SGCZ: variants seen among roughly 807,000 people sequenced by gnomAD.
SGCZ encodes sarcoglycan zeta, also known as zeta-sarcoglycan.
In SGCZ, 40 loss-of-function variants were observed where a neutral mutation model predicts 41.3. That is an observed-to-expected ratio of 0.97 (90% CI 0.75 to 1.26). The LOEUF (loss-of-function observed/expected upper bound fraction) is 1.26, where lower values mean the gene tolerates loss of function less well. Ranked by LOEUF, SGCZ falls within the 50% of genes most tolerant of loss-of-function variation. SGCZ has a pLI of 0.00. For missense variants in SGCZ, 552 were observed against 369.8 expected, an observed-to-expected ratio of 1.49 and a Z score of -4.04; for synonymous variants, 206 against 137.5, an observed-to-expected ratio of 1.50 and a Z score of -3.49.
intron 1 of SGCZ, among the ~76,000 whole-genome samples, chr8:15,078,011 G>C (rs1365707704): frequency 2.6e-5 from 4 of 152,052 alleles, no homozygotes; most frequent in South Asian, 2.1e-4. Flanking sequence ...TGGACTGGAG[G>C]CCCCATGCAC....
rs559633054 is a variant in SGCZ at position 14,444,585 on chromosome 8, TCTCA to T, written c.234+110143_234+110146del. On this transcript the variant is annotated intron_variant, in intron 2 of 7. Transcript: ENST00000382080. ...GAACAAAAAACCAAACACCACATATTCTCACTCACAGGTGGGAATTGAAAAATGA... is the reference window on the plus strand; with the variant it reads ...GAACAAAAAACCAAACACCACATATTCTCACAGGTGGGAATTGAAAAATGA... 8.1e-5 allele frequency among the ~76,000 whole-genome samples: 12 copies of T among 147,636 alleles called. No individual in the cohort carries two copies. In the South Asian group the frequency reaches 2.5e-3, roughly 31 times the overall value.
chr8:14,190,587 T>G (rs953444744), intron 4 of SGCZ, among the ~76,000 whole-genome samples: 2 of 151,946 alleles, frequency 1.3e-5, no homozygotes, highest in African/African-American at 4.8e-5. Context: ...GGATGACATA[T>G]AAATCTTCTC....
chr8:14,886,022 TA>T (rs1804787693), intron 1 of SGCZ, among the ~76,000 whole-genome samples: 1 of 115,538 alleles, frequency 8.7e-6, no homozygotes, highest in Non-Finnish European at 1.8e-5. Context: ...TATATATATA[TA>T]TATATATATA....
At chr8:14,573,440 G>A (rs1022996559) in intron 1 of SGCZ, among the ~76,000 whole-genome samples, 2 of 151,660 alleles carry the variant, frequency 1.3e-5, no homozygotes, top group Admixed American at 6.6e-5. Context: ...CGCCCGCCTC[G>A]GCCTCCCAAA....
intron 3 of SGCZ, among the ~76,000 whole-genome samples, chr8:14,288,448 CT>C (rs1412493718): frequency 6.6e-6 from 1 of 151,988 alleles, no homozygotes; most frequent in East Asian, 1.9e-4. Flanking sequence ...TCTCCCTACC[CT>C]CGGCCACTGG....
intron 1 of SGCZ, among the ~76,000 whole-genome samples, chr8:14,784,913 A>AAAAAAATATATATAT (rs1408574493): frequency 1.1e-3 from 95 of 87,992 alleles, no homozygotes; most frequent in African/African-American, 4.3e-3. Context: ...AAAAAAAAAA[A>AAAAAAATATATATAT]ATATATATAT....
At chr8:14,950,831 A>G (rs1421933868) in intron 1 of SGCZ, among the ~76,000 whole-genome samples, 1 of 152,030 alleles carries the variant, frequency 6.6e-6, no homozygotes, top group Non-Finnish European at 1.5e-5. Flanking sequence ...ATTGGCTTAG[A>G]AGTCTAATCA....
Position 15,115,506 on chromosome 8 carries a change from T to C in SGCZ, c.39+122079A>G, listed in dbSNP as rs750408186. Among the ~76,000 whole-genome samples, 72 of 152,234 alleles carry C rather than the reference T, an allele frequency of 4.7e-4. 1 individual carries two copies. The highest frequency in any genetic ancestry group is 2.1e-4 in the South Asian group (1 of 4,830). On this transcript the variant is annotated intron_variant, in intron 1 of 7. Coordinates refer to ENST00000382080, the MANE Select transcript of SGCZ (RefSeq NM_139167.4). ...AATTGATTTAGGATATCTTTATAAA[T>C]TGTTAATATGTTACAGATTACATAT...
At chr8:14,169,184 A>C (rs1456191357) in intron 4 of SGCZ, among the ~76,000 whole-genome samples, 3 of 152,130 alleles carry the variant, frequency 2.0e-5, no homozygotes, top group Non-Finnish European at 4.4e-5. Flanking sequence ...CAAGATTAAT[A>C]TTTGGGGGAA....
chr8:14,895,867 G>A (rs549800742), intron 1 of SGCZ, among the ~76,000 whole-genome samples: 1 of 152,268 alleles, frequency 6.6e-6, no homozygotes, highest in East Asian at 1.9e-4. Context: ...TCTATGTAGG[G>A]TAGAAATGGG....
intron 1 of SGCZ, among the ~76,000 whole-genome samples, chr8:14,887,953 G>C (rs1190384520): frequency 6.6e-6 from 1 of 152,090 alleles, no homozygotes; most frequent in African/African-American, 2.4e-5. Context: ...GTTGCTCAAA[G>C]GGTACAAAGT....
intron 1 of SGCZ, among the ~76,000 whole-genome samples, chr8:14,621,028 T>C (rs1232452450): frequency 6.6e-6 from 1 of 151,898 alleles, no homozygotes; most frequent in African/African-American, 2.4e-5. Flanking sequence ...AGCAAAGACT[T>C]GGAACCAACC....
intron 5 of SGCZ, among the ~76,000 whole-genome samples, chr8:14,128,868 T>G (rs930254335): frequency 5.9e-5 from 9 of 152,130 alleles, no homozygotes; most frequent in Non-Finnish European, 1.5e-5. Flanking sequence ...TATTCTCACT[T>G]CTAAGTGGGA....
chr8:15,190,181 A>C (rs1030598110), intron 1 of SGCZ, among the ~76,000 whole-genome samples: 1 of 152,172 alleles, frequency 6.6e-6, no homozygotes, highest in Non-Finnish European at 1.5e-5. Flanking sequence ...CACCAACGGC[A>C]AAATCCTTGG....
chr8:14,156,975 A>G (rs1352319235), intron 5 of SGCZ, among the ~76,000 whole-genome samples: 1 of 152,192 alleles, frequency 6.6e-6, no homozygotes, highest in Non-Finnish European at 1.5e-5. Flanking sequence ...TAATGATAAA[A>G]AACTACAGTA....
chr8:14,469,098 TCAC>T (rs779083238), intron 2 of SGCZ, among the ~76,000 whole-genome samples: 9 of 152,048 alleles, frequency 5.9e-5, no homozygotes, highest in South Asian at 2.1e-4. Flanking sequence ...ATCCAGCAAG[TCAC>T]CACCACCACT....
At chr8:14,571,697 T>A (rs752289149) in intron 1 of SGCZ, among the ~76,000 whole-genome samples, 3 of 152,188 alleles carry the variant, frequency 2.0e-5, no homozygotes, top group Non-Finnish European at 4.4e-5. Flanking sequence ...GAAAAGGCCT[T>A]GACCATATTA....
intron 3 of SGCZ, among the ~76,000 whole-genome samples, chr8:14,286,662 A>G (rs995895205): frequency 9.9e-5 from 15 of 152,144 alleles, no homozygotes; most frequent in African/African-American, 3.6e-4. Flanking sequence ...CTAACATTAC[A>G]TCACATTTAC....
intron 1 of SGCZ, among the ~76,000 whole-genome samples, chr8:14,959,910 G>A (rs1461364520): frequency 1.3e-5 from 2 of 152,154 alleles, no homozygotes; most frequent in African/African-American, 2.4e-5. Context: ...CACGCGCTGA[G>A]GGAAGGTCAG....
Sources: allele counts gnomAD v4.1 joint callset (sites outside exome capture counted in the v4.1 genomes callset), GRCh38; gene constraint gnomAD v4.1.1; transcripts MANE v1.5; gene names NCBI Gene and HGNC (gene_info 2026-07-23, HGNC 2026-07-21).